USH2A: variants seen among roughly 807,000 people sequenced by gnomAD.
USH2A encodes the protein usherin.
Under a neutral mutation model 538.9 loss-of-function variants are expected in USH2A, and 443 were observed. The observed-to-expected ratio is 0.82, with a 90% confidence interval of 0.76 to 0.89. The LOEUF (loss-of-function observed/expected upper bound fraction) is 0.89, where lower values mean the gene tolerates loss of function less well. Among genes scored for constraint, USH2A ranks in the 40% least tolerant of loss-of-function variants. The pLI is 0.00. For synonymous variants in USH2A, 2,413 were observed against 2,273.5 expected, an observed-to-expected ratio of 1.06 and a Z score of -1.75; for missense variants, 6,633 against 6,324.8, an observed-to-expected ratio of 1.05 and a Z score of -1.65.
chr1:216,133,451 G>A (rs905223591), intron 21 of USH2A, among the ~76,000 whole-genome samples: 2 of 151,888 alleles, frequency 1.3e-5, no homozygotes, highest in African/African-American at 4.8e-5. Flanking sequence ...ATCAGAGAGG[G>A]GTTCATGGTA....
chr1:216,046,923 C>G (rs919623415), intron 31 of USH2A, among the ~76,000 whole-genome samples: 8 of 152,132 alleles, frequency 5.3e-5, no homozygotes, highest in Non-Finnish European at 8.8e-5. Flanking sequence ...GTCCCCTAGC[C>G]TCAAGGAGCT....
At chr1:216,322,281 T>G (rs2037630046) in intron 8 of USH2A, among the ~76,000 whole-genome samples, 1 of 152,140 alleles carries the variant, frequency 6.6e-6, no homozygotes. Flanking sequence ...GGAAGGCATT[T>G]ACTACACTAT....
At chr1:215,673,084 T>C (rs2102663479) in intron 63 of USH2A, among the ~76,000 whole-genome samples, 1 of 152,318 alleles carries the variant, frequency 6.6e-6, no homozygotes, top group Admixed American at 6.5e-5. Flanking sequence ...TGAATCAGTG[T>C]AAGGTAATAT....
chr1:216,273,466 G>A (rs1161320094), intron 11 of USH2A, among the ~76,000 whole-genome samples: 1 of 151,576 alleles, frequency 6.6e-6, no homozygotes, highest in Non-Finnish European at 1.5e-5. Context: ...GTTAGGGTGG[G>A]TTTCTCATTG....
At chr1:215,948,977 T>C (rs2102438825) in intron 37 of USH2A, among the ~76,000 whole-genome samples, 1 of 152,240 alleles carries the variant, frequency 6.6e-6, no homozygotes, top group Non-Finnish European at 1.5e-5. Flanking sequence ...CTATCCTGTC[T>C]GTTAACGTGT....
At chr1:215,768,269 T>C (rs954044440) in intron 55 of USH2A, among the ~76,000 whole-genome samples, 1 of 152,230 alleles carries the variant, frequency 6.6e-6, no homozygotes, top group Non-Finnish European at 1.5e-5. Context: ...GCTTTAGATG[T>C]ATGCTCTGAA....
At chr1:215,722,341 G>A (rs1369778009) in intron 61 of USH2A, among the ~76,000 whole-genome samples, 1 of 152,080 alleles carries the variant, frequency 6.6e-6, no homozygotes, top group Non-Finnish European at 1.5e-5. Flanking sequence ...TGTGTCTGGG[G>A]AGAAAAGGCT....
chr1:216,359,456 T>G (rs7521264), intron 4 of USH2A, among the ~76,000 whole-genome samples: 59,811 of 151,936 alleles, frequency 0.39, 13,217 homozygotes, highest in African/African-American at 0.61. Context: ...TAAAGAGAGT[T>G]AATATTTTGA....
chr1:216,010,067 A>G (rs1267949371), intron 32 of USH2A, among the ~76,000 whole-genome samples: 3 of 152,300 alleles, frequency 2.0e-5, no homozygotes, highest in South Asian at 2.1e-4. Context: ...GACATTAAAT[A>G]AAACTCCAAA....
intron 21 of USH2A, among the ~76,000 whole-genome samples, chr1:216,118,832 C>T (rs1176707588): frequency 1.3e-5 from 2 of 152,170 alleles, no homozygotes; most frequent in African/African-American, 4.8e-5. Flanking sequence ...CTCAACAGGT[C>T]CCCTGGATTA....
intron 3 of USH2A, among the ~76,000 whole-genome samples, chr1:216,380,889 A>G (rs930793251): frequency 6.6e-6 from 1 of 152,156 alleles, no homozygotes; most frequent in African/African-American, 2.4e-5. Context: ...ATTTGTTTGT[A>G]TATTTACTTA....
intron 32 of USH2A, among the ~76,000 whole-genome samples, chr1:216,030,494 T>G (rs1669092118): frequency 7.1e-6 from 1 of 140,350 alleles, no homozygotes; most frequent in Non-Finnish European, 1.5e-5. Flanking sequence ...TAGATATATA[T>G]CACAGATATA....
At chr1:216,131,905 A>G (rs1446669702) in intron 21 of USH2A, among the ~76,000 whole-genome samples, 1 of 151,946 alleles carries the variant, frequency 6.6e-6, no homozygotes, top group African/African-American at 2.4e-5. Flanking sequence ...AATTTTCTTT[A>G]ATCCTCCTAA....
intron 50 of USH2A, among the ~76,000 whole-genome samples, chr1:215,792,412 T>A (rs1662007018): frequency 6.6e-6 from 1 of 152,236 alleles, no homozygotes; most frequent in Non-Finnish European, 1.5e-5. Flanking sequence ...TTAATTATTA[T>A]CAACCTTGTT....
At chr1:215,656,823 C>T (rs1391495775) in intron 64 of USH2A, among the ~76,000 whole-genome samples, 2 of 152,112 alleles carry the variant, frequency 1.3e-5, no homozygotes, top group African/African-American at 4.8e-5. Context: ...TCTAAGGAGA[C>T]ATAATTGTTT....
intron 30 of USH2A, among the ~76,000 whole-genome samples, 168 bp from the exon 31 acceptor site, chr1:216,048,815 G>T (rs777841067): frequency 2.0e-5 from 3 of 152,154 alleles, no homozygotes; most frequent in Non-Finnish European, 4.4e-5. Context: ...CTCCCTTTCT[G>T]CTGATTGTTG....
intron 30 of USH2A, among the ~76,000 whole-genome samples, chr1:216,069,288 T>G (rs1176313763): frequency 6.6e-6 from 1 of 152,196 alleles, no homozygotes. Flanking sequence ...ATATTTGGGC[T>G]GTGCATTCCA....
At position 215,674,503 on chromosome 1, in the gene USH2A, G is replaced by C. The variant is rs759041128; in HGVS notation, c.13408C>G (p.Pro4470Ala). 5.6e-6 allele frequency: 9 copies of C among 1,614,080 alleles called. No individual in the cohort carries two copies. The highest frequency in any genetic ancestry group is 1.7e-5 in the Admixed American group (1 of 60,022). ...IEITWKPPRN[P>A]NGQIRSYELR... ...TCATAACTTCTGATCTGGCCATTTG[G>C]GTTTCTTGGAGGTTTCCAGGTGATT... is the stretch of plus-strand genomic sequence containing the variant. Residue 4470 changes from proline (P) to alanine (A), a missense_variant, in exon 63 of 72, where the codon CCA (proline) becomes GCA (alanine). Physicochemically the swap from Pro to Ala is conservative, Grantham distance 27. Coordinates refer to ENST00000307340, the MANE Select transcript of USH2A (RefSeq NM_206933.4).
At chr1:215,816,271 C>G (rs1435430406) in intron 48 of USH2A, among the ~76,000 whole-genome samples, 1 of 152,028 alleles carries the variant, frequency 6.6e-6, no homozygotes, top group Non-Finnish European at 1.5e-5. Context: ...AAAAAATGCA[C>G]AGTTAGTAAC....
Sources: allele counts gnomAD v4.1 joint callset (sites outside exome capture counted in the v4.1 genomes callset), GRCh38; gene constraint gnomAD v4.1.1; transcripts MANE v1.5; gene names NCBI Gene and HGNC (gene_info 2026-07-23, HGNC 2026-07-21).